The following SH3PXD2B variants were observed in gnomAD, a reference collection of about 807,000 sequenced individuals.
SH3PXD2B encodes the protein SH3 and PX domain-containing protein 2B.
A neutral mutation model predicts 73.1 loss-of-function variants in SH3PXD2B; 37 were observed. The ratio of observed to expected loss-of-function variants is 0.51; its 90% confidence interval spans 0.39 to 0.67. The LOEUF is 0.67. SH3PXD2B is among the 30% of genes least tolerant of loss of function. The pLI is 0.00. For missense variants in SH3PXD2B, 1,053 were observed against 1,197.8 expected, an observed-to-expected ratio of 0.88 and a Z score of 1.78; for synonymous variants, 457 against 480.5, an observed-to-expected ratio of 0.95 and a Z score of 0.64.
intron 3 of SH3PXD2B, among the ~76,000 whole-genome samples, chr5:172,395,836 A>G (rs1321450681): frequency 6.6e-6 from 1 of 152,096 alleles, no homozygotes; most frequent in Non-Finnish European, 1.5e-5. Context: ...TGGGTAGGTC[A>G]AGGGGAAGGT....
intron 1 of SH3PXD2B, among the ~76,000 whole-genome samples, chr5:172,430,285 C>T (rs1446468636): frequency 6.6e-6 from 1 of 152,266 alleles, no homozygotes; most frequent in Non-Finnish European, 1.5e-5. Context: ...TCCCACCTCT[C>T]TCCAGCCCAC....
intron 12 of SH3PXD2B, among the ~76,000 whole-genome samples, chr5:172,327,726 C>A (rs1756470804): frequency 6.7e-6 from 1 of 148,390 alleles, no homozygotes; most frequent in Non-Finnish European, 1.5e-5. Context: ...GTATCTGGAA[C>A]TACGGGTGCA....
chr5:172,418,309 A>G (rs1171969597), intron 2 of SH3PXD2B, among the ~76,000 whole-genome samples: 1 of 152,136 alleles, frequency 6.6e-6, no homozygotes, highest in African/African-American at 2.4e-5. Flanking sequence ...AGCTGTTTCT[A>G]TTGTTTTCAC....
chr5:172,339,851 CG>C lies in SH3PXD2B; in HGVS notation c.1253del (p.Pro418ArgfsTer27). The part of the protein sequence containing the change: ...IQIEDKEGWA[P>X]ATFIDKYKKT... Reference sequence around the variant, plus strand: ...TCTTGTACTTGTCAATGAAGGTGGCCGGGGCCCACCCTTCCTTATCTTCAAT... The same window carrying C: ...TCTTGTACTTGTCAATGAAGGTGGCCGGGCCCACCCTTCCTTATCTTCAAT... On this transcript the variant is annotated frameshift_variant, in exon 13 of 13. Coordinates refer to ENST00000311601, the MANE Select transcript of SH3PXD2B (RefSeq NM_001017995.3). LOFTEE classifies it low-confidence loss of function (END_TRUNC). This position sits in a 1 kb window ranked among gnomAD's most constrained non-coding sequence, Gnocchi z 6.1. The C allele has an allele frequency of 6.2e-7, 1 of 1,614,248 alleles. No individual in the cohort carries two copies. Among genetic ancestry groups the C allele is most frequent in the Non-Finnish European group, 8.5e-7 (1 of 1,180,052 alleles).
chr5:172,347,239 C>A (rs200259069), intron 11 of SH3PXD2B, 44 bp downstream of exon 11: 3 of 1,606,222 alleles, frequency 1.9e-6, no homozygotes, highest in African/African-American at 1.3e-5. Flanking sequence ...CCCCTCACAG[C>A]CCTCAAGTCA....
chr5:172,429,383 GA>G (rs975036158), intron 1 of SH3PXD2B, among the ~76,000 whole-genome samples: 11 of 152,196 alleles, frequency 7.2e-5, no homozygotes, highest in Non-Finnish European at 1.3e-4. Context: ...AGGAAGCACA[GA>G]AACCACAACT....
At chr5:172,343,734 C>G (rs9313590) in intron 12 of SH3PXD2B, among the ~76,000 whole-genome samples, 20,193 of 151,318 alleles carry the variant, frequency 0.13, 2,349 homozygotes, top group African/African-American at 0.32. Flanking sequence ...GAACCTAGGA[C>G]GTGGAGGTTG....
chr5:172,397,934 T>C (rs1273399678), intron 3 of SH3PXD2B, among the ~76,000 whole-genome samples: 4 of 152,264 alleles, frequency 2.6e-5, no homozygotes, highest in Non-Finnish European at 4.4e-5. Context: ...TTATCCTTTT[T>C]AGTGGCGGCC....
chr5:172,391,473 C>T (rs1158066695), intron 4 of SH3PXD2B, among the ~76,000 whole-genome samples: 1 of 152,046 alleles, frequency 6.6e-6, no homozygotes, highest in Admixed American at 6.6e-5. Flanking sequence ...ATTTCTTTCT[C>T]TTTTTTTGAG....
At chr5:172,357,118 CAAAA>C (rs59461760) in intron 8 of SH3PXD2B, among the ~76,000 whole-genome samples, 1 of 59,026 alleles carries the variant, frequency 1.7e-5, no homozygotes. Context: ...GACCCCATCT[CAAAA>C]AAAAAAAAAA....
At chr5:172,443,445 C>T (rs1303181073) in intron 1 of SH3PXD2B, among the ~76,000 whole-genome samples, 1 of 152,196 alleles carries the variant, frequency 6.6e-6, no homozygotes, top group African/African-American at 2.4e-5. Context: ...TTTCCCAGCC[C>T]CTGAACACCC....
chr5:172,435,571 C>T (rs917576095), intron 1 of SH3PXD2B, among the ~76,000 whole-genome samples: 1 of 152,162 alleles, frequency 6.6e-6, no homozygotes, highest in African/African-American at 2.4e-5. Context: ...TACAGGCATG[C>T]ACCACCATGC....
At chr5:172,409,299 T>C (rs2113436875) in intron 2 of SH3PXD2B, among the ~76,000 whole-genome samples, 1 of 152,136 alleles carries the variant, frequency 6.6e-6, no homozygotes, top group Non-Finnish European at 1.5e-5. Flanking sequence ...GGAGAATTGC[T>C]TGAACCTGGG....
At chr5:172,452,571 G>C (rs1485955602) in intron 1 of SH3PXD2B, among the ~76,000 whole-genome samples, 1 of 152,180 alleles carries the variant, frequency 6.6e-6, no homozygotes, top group African/African-American at 2.4e-5. Flanking sequence ...TTCCTCATCT[G>C]TCAAATGGGC....
chr5:172,397,914 C>T (rs151322035), intron 3 of SH3PXD2B, among the ~76,000 whole-genome samples: 8,066 of 152,206 alleles, frequency 0.053, 330 homozygotes, highest in South Asian at 0.23. Context: ...GAAAACAGGG[C>T]GGGTTTAGGT....
Position 172,336,553 on chromosome 5 carries a change from C to T in SH3PXD2B, c.*1816G>A, listed in dbSNP as rs953971798. ...CGTGATAGGGGGTGGAGCTGGGAGG[C>T]GCGGCAGAAGAGGGCTGTTCAAGCA... is the stretch of plus-strand genomic sequence containing the variant. On this transcript the variant is annotated 3_prime_UTR_variant, in exon 13 of 13. Transcript: ENST00000311601. 1.1e-5 allele frequency: 11 copies of T among 986,062 alleles called. No homozygotes were observed. Among genetic ancestry groups the T allele is most frequent in the Non-Finnish European group, 1.3e-5 (11 of 830,066 alleles). The allele number at this position is 986,062 out of a possible 1,614,324, so 61.1% of individuals were successfully genotyped here.
At chr5:172,368,394 T>C (rs1266275595) in intron 6 of SH3PXD2B, among the ~76,000 whole-genome samples, 1 of 141,944 alleles carries the variant, frequency 7.0e-6, no homozygotes, top group East Asian at 2.0e-4. Context: ...GCTATATTCA[T>C]ACTGCCTAAC....
chr5:172,429,404 G>A (rs1179783915), intron 1 of SH3PXD2B, among the ~76,000 whole-genome samples: 2 of 152,296 alleles, frequency 1.3e-5, no homozygotes, highest in East Asian at 3.9e-4. Context: ...TGGGGTTAGA[G>A]AGTCACGGAG....
intron 6 of SH3PXD2B, among the ~76,000 whole-genome samples, chr5:172,366,467 G>A (rs1204557923): frequency 2.6e-5 from 4 of 152,162 alleles, no homozygotes; most frequent in Non-Finnish European, 4.4e-5. Flanking sequence ...CATCCCTGGT[G>A]CACCTGCAAA....
Sources: allele counts gnomAD v4.1 joint callset (sites outside exome capture counted in the v4.1 genomes callset), GRCh38; gene constraint gnomAD v4.1.1; non-coding constraint Gnocchi (gnomAD v3.1); transcripts MANE v1.5; gene names NCBI Gene and HGNC (gene_info 2026-07-23, HGNC 2026-07-21).